Variants in CUBN observed in about 807,000 individuals in gnomAD.
CUBN encodes 460 kDa receptor.
In CUBN, 282 loss-of-function variants were observed where a neutral mutation model predicts 405.3. That is an observed-to-expected ratio of 0.70 (90% CI 0.63 to 0.77). The LOEUF (loss-of-function observed/expected upper bound fraction) is 0.77. CUBN is among the 30% of genes least tolerant of loss of function. CUBN has a pLI of 0.00. For synonymous variants in CUBN, 1,684 were observed against 1,617.0 expected (o/e 1.04, Z -0.99); for missense variants, 4,514 against 4,475.2 (o/e 1.01, Z -0.25).
chr10:16,977,420 G>T (rs1462368641), intron 31 of CUBN, among the ~76,000 whole-genome samples: 1 of 152,148 alleles, frequency 6.6e-6, no homozygotes, highest in African/African-American at 2.4e-5. Flanking sequence ...AAGAGAAGGA[G>T]CATCTGAACA....
intron 28 of CUBN, among the ~76,000 whole-genome samples, chr10:16,994,821 A>T (rs1833687798): frequency 6.6e-6 from 1 of 152,222 alleles, no homozygotes; most frequent in Non-Finnish European, 1.5e-5. Context: ...CAGGCGTGGT[A>T]GTTCACACCT....
At chr10:16,892,081 A>G (rs1841041540) in intron 54 of CUBN, among the ~76,000 whole-genome samples, 1 of 152,218 alleles carries the variant, frequency 6.6e-6, no homozygotes, top group Admixed American at 6.5e-5. Context: ...GTCATTAAAA[A>G]CATTTCTATT....
At chr10:17,111,949 G>A (rs1221047872) in intron 8 of CUBN, among the ~76,000 whole-genome samples, 2 of 152,104 alleles carry the variant, frequency 1.3e-5, no homozygotes, top group Admixed American at 6.6e-5. Context: ...ATCATATGGA[G>A]GATTGGGCTC....
chr10:16,999,844 A>C (rs1226736143), intron 28 of CUBN, among the ~76,000 whole-genome samples: 1 of 152,160 alleles, frequency 6.6e-6, no homozygotes, highest in Non-Finnish European at 1.5e-5. Context: ...AGGGACCTAC[A>C]TTGCAGGCCT....
At chr10:17,054,362 T>TG (rs1415146695) in intron 22 of CUBN, among the ~76,000 whole-genome samples, 1 of 147,084 alleles carries the variant, frequency 6.8e-6, no homozygotes, top group East Asian at 2.0e-4. Context: ...GGAGGTGAAG[T>TG]GAAGTAGTGC....
Position 16,851,407 on chromosome 10 carries a change from G to C in CUBN, c.9491C>G (p.Ser3164Trp), listed in dbSNP as rs57163243. 1.2e-3 allele frequency: 2,016 copies of C among 1,614,056 alleles called. 23 individuals are homozygous for C. The African/African-American group carries it at 0.022, about 18-fold the overall frequency. The change falls in exon 60 of 67, where the codon TCG becomes TGG. Residue 3164 changes from serine to tryptophan, a missense_variant. By Grantham distance (177) the Ser-to-Trp change is radical. Around this residue, in one of 5 missense-constraint regions of CUBN, gnomAD observed 1,186 missense variants for 1,186.9 expected, o/e 1.00. Coordinates refer to ENST00000377833, the MANE Select transcript of CUBN (RefSeq NM_001081.4). ...QQGCGGYLTG[S>W]NNTFASPDSD... Reference sequence around the variant, plus strand: ...ATCAGGAGAGGCAAAGGTATTATTCGAGCCTGTCAGATAACCACCACATCC... The same window carrying C: ...ATCAGGAGAGGCAAAGGTATTATTCCAGCCTGTCAGATAACCACCACATCC...
At chr10:17,112,472 G>C (rs1363112184) in intron 8 of CUBN, among the ~76,000 whole-genome samples, 5 of 151,858 alleles carry the variant, frequency 3.3e-5, no homozygotes, top group African/African-American at 1.2e-4. Flanking sequence ...CAAAAAAATT[G>C]TTTCTCTTTT....
At chr10:16,944,146 GC>G (rs760924938) in intron 36 of CUBN, among the ~76,000 whole-genome samples, 2 of 152,086 alleles carry the variant, frequency 1.3e-5, no homozygotes, top group Non-Finnish European at 1.5e-5. Context: ...TCAATTCCCT[GC>G]CCACCAAACC....
intron 23 of CUBN, among the ~76,000 whole-genome samples, chr10:17,047,141 A>G (rs1835154792): frequency 2.0e-5 from 3 of 152,338 alleles, no homozygotes; most frequent in Admixed American, 2.0e-4. Context: ...TCAGAGTAGT[A>G]GCACATCTGT....
chr10:17,039,197 C>T (rs887307793), intron 27 of CUBN, among the ~76,000 whole-genome samples: 2 of 152,178 alleles, frequency 1.3e-5, no homozygotes, highest in African/African-American at 2.4e-5. Context: ...CACTGTTATA[C>T]GTGCAACGCT....
chr10:17,043,508 A>G (rs1835058129), intron 26 of CUBN, among the ~76,000 whole-genome samples: 2 of 152,204 alleles, frequency 1.3e-5, no homozygotes, highest in African/African-American at 4.8e-5. Flanking sequence ...CTTTCACTGA[A>G]TTGCAACTCT....
intron 48 of CUBN, among the ~76,000 whole-genome samples, chr10:16,908,186 C>T (rs2131440236): frequency 6.6e-6 from 1 of 152,072 alleles, no homozygotes; most frequent in Non-Finnish European, 1.5e-5. Flanking sequence ...GCTCTTGTTG[C>T]CCAGGCTGGA....
intron 28 of CUBN, among the ~76,000 whole-genome samples, chr10:17,000,165 G>A (rs755030245): frequency 4.6e-5 from 7 of 152,102 alleles, no homozygotes; most frequent in East Asian, 1.9e-4. Flanking sequence ...ACTCTAGCCC[G>A]GCCAAGTTGT....
chr10:16,982,463 C>A, intron 31 of CUBN, 21 bp downstream of exon 31: 1 of 1,606,710 alleles, frequency 6.2e-7, no homozygotes, highest in South Asian at 1.1e-5. Flanking sequence ...GGAGACAATG[C>A]TTGAAATTTA....
chr10:17,104,717 T>A, intron 11 of CUBN, 112 bp from the exon 12 acceptor site: 1 of 261,412 alleles, frequency 3.8e-6, no homozygotes, highest in Non-Finnish European at 7.3e-6. Flanking sequence ...ATATAATAAT[T>A]ATATAATTAT....
chr10:16,928,844 C>T (rs148191559), intron 40 of CUBN, among the ~76,000 whole-genome samples: 22 of 152,016 alleles, frequency 1.4e-4, no homozygotes, highest in Admixed American at 2.0e-4. Flanking sequence ...CAGTTTCCAC[C>T]GTCTTTCTAA....
In CUBN at chr10:16,864,776, G is replaced by A. The variant is rs556380541; in HGVS notation, c.9454+4860C>T. Among the ~76,000 whole-genome samples the A allele has an allele frequency of 4.4e-3, 623 of 142,104 alleles. 1 individual carries two copies. Among genetic ancestry groups the A allele is most frequent in the Non-Finnish European group, 7.8e-3 (509 of 65,570 alleles). 93.2% of individuals were successfully genotyped at this position (142,104 alleles called of 152,430 possible). On this transcript the variant is annotated intron_variant, in intron 59 of 66. Coordinates refer to ENST00000377833, the MANE Select transcript of CUBN (RefSeq NM_001081.4). ...AGCGATTCTCCTGCCTCAGCCTCCC[G>A]AGTAGCTGGGATTACAGGCATGTGC... is the stretch of plus-strand genomic sequence containing the variant.
chr10:16,888,327 C>T (rs1840880720), intron 56 of CUBN, 90 bp downstream of exon 56: 1 of 1,036,368 alleles, frequency 9.6e-7, no homozygotes. Context: ...CACTCTACAA[C>T]ATGTACATAT....
intron 28 of CUBN, among the ~76,000 whole-genome samples, chr10:17,005,316 T>G (rs1431164255): frequency 6.6e-6 from 1 of 152,208 alleles, no homozygotes; most frequent in Non-Finnish European, 1.5e-5. Context: ...TTCTCAACCA[T>G]GAAAATTTAA....
Sources: allele counts gnomAD v4.1 joint callset (sites outside exome capture counted in the v4.1 genomes callset), GRCh38; gene constraint gnomAD v4.1.1; regional missense constraint gnomAD v4.1.1; transcripts MANE v1.5; gene names NCBI Gene and HGNC (gene_info 2026-07-23, HGNC 2026-07-21).